Variants in CHRM3 observed in about 807,000 individuals in gnomAD.
CHRM3 encodes muscarinic acetylcholine receptor M3.
In CHRM3, 11 loss-of-function variants were observed where a neutral mutation model predicts 41.8. That is an observed-to-expected ratio of 0.26 (90% CI 0.17 to 0.44). The LOEUF (loss-of-function observed/expected upper bound fraction) is 0.44. Ranked by LOEUF, CHRM3 falls within the 20% of genes least tolerant of loss-of-function variation. The pLI is 1.00. For missense variants in CHRM3, 571 were observed against 745.4 expected, an observed-to-expected ratio of 0.77 and a Z score of 2.72; for synonymous variants, 297 against 301.4, an observed-to-expected ratio of 0.99 and a Z score of 0.15.
chr1:239,710,899 A>G (rs748647666), intron 5 of CHRM3, among the ~76,000 whole-genome samples: 2 of 151,700 alleles, frequency 1.3e-5, no homozygotes, highest in Non-Finnish European at 2.9e-5. Flanking sequence ...ACCTCCCACC[A>G]AGAAAGCCTG....
At chr1:239,558,328 G>A (rs922001603) in intron 3 of CHRM3, among the ~76,000 whole-genome samples, 1 of 151,994 alleles carries the variant, frequency 6.6e-6, no homozygotes, top group Non-Finnish European at 1.5e-5. Context: ...TAATGGGATT[G>A]CTTTTTGTAA....
At chr1:239,873,590 G>A (rs1015656113) in intron 6 of CHRM3, among the ~76,000 whole-genome samples, 6 of 151,922 alleles carry the variant, frequency 3.9e-5, no homozygotes, top group Non-Finnish European at 7.4e-5. Context: ...AGAACATGCA[G>A]TGTTTGGTTT....
At chr1:239,563,173 AT>A in intron 3 of CHRM3, among the ~76,000 whole-genome samples, 1 of 147,056 alleles carries the variant, frequency 6.8e-6, no homozygotes, top group South Asian at 2.2e-4. Context: ...TGTTTTCTTT[AT>A]TCTGAAGTTG....
rs1659925754 is a variant in CHRM3 at position 239,401,009 on chromosome 1, T to C, written c.-521+13782T>C. ...TTTATATAAAATGCGTGCATATCTTTCTCATCAGAAGCAGGAACCAGGCAA... is the reference window on the plus strand; with the variant it reads ...TTTATATAAAATGCGTGCATATCTTCCTCATCAGAAGCAGGAACCAGGCAA... On this transcript the variant is annotated intron_variant, in intron 1 of 6. Transcript: ENST00000676153. Among the ~76,000 whole-genome samples, 3 of 152,108 alleles carry C rather than the reference T, an allele frequency of 2.0e-5. No individual in the cohort carries two copies. The South Asian group carries it at 6.2e-4, about 32-fold the overall frequency.
intron 6 of CHRM3, 110 bp downstream of exon 6, chr1:239,827,488 A>G (rs915267198): frequency 1.3e-5 from 2 of 152,270 alleles, no homozygotes; most frequent in African/African-American, 2.4e-5. Context: ...CGTGACCTCA[A>G]TTAGGATATT....
rs1451501711 is a variant in CHRM3 at position 239,911,598 on chromosome 1, ATTTAACAGAACTT to A, written c.*2376_*2388del. ...ATTTGAGAAAAGGAGAAACCCTGAA[ATTTAACAGAACTT>A]TGAGAGTCACTTCCAATCTCCTTAA... is the stretch of plus-strand genomic sequence containing the variant. On this transcript the variant is annotated 3_prime_UTR_variant, in exon 7 of 7. Transcript: ENST00000676153. The A allele has an allele frequency of 6.0e-6, 1 of 166,980 alleles. No homozygotes were observed. Among genetic ancestry groups the A allele is most frequent in the Non-Finnish European group, 1.5e-5 (1 of 68,114 alleles). 10.3% of individuals were successfully genotyped at this position (166,980 alleles called of 1,614,324 possible). A position where few individuals can be genotyped will look rare whatever the true frequency, so the allele number is the denominator to read the frequency against.
At chr1:239,567,138 TTA>T in intron 3 of CHRM3, among the ~76,000 whole-genome samples, 1 of 152,272 alleles carries the variant, frequency 6.6e-6, no homozygotes, top group Admixed American at 6.5e-5. Flanking sequence ...AGAATTACTG[TTA>T]TGGGCTGTTT....
chr1:239,643,827 A>G (rs992460140), intron 4 of CHRM3, among the ~76,000 whole-genome samples: 3 of 152,172 alleles, frequency 2.0e-5, no homozygotes, highest in Non-Finnish European at 4.4e-5. Context: ...CCGGGACCTC[A>G]GGTGGAAATG....
intron 6 of CHRM3, among the ~76,000 whole-genome samples, chr1:239,854,854 A>C (rs1231928323): frequency 6.6e-6 from 1 of 152,162 alleles, no homozygotes; most frequent in African/African-American, 2.4e-5. Context: ...AATTCAAAAG[A>C]ATTCAGATAA....
chr1:239,643,291 T>A (rs1671398358), intron 4 of CHRM3, among the ~76,000 whole-genome samples: 1 of 152,212 alleles, frequency 6.6e-6, no homozygotes, highest in Non-Finnish European at 1.5e-5. Context: ...CACTGCTCTC[T>A]TCAAAGCTGT....
chr1:239,612,601 C>G (rs939077181), intron 3 of CHRM3, among the ~76,000 whole-genome samples: 1 of 152,170 alleles, frequency 6.6e-6, no homozygotes, highest in Admixed American at 6.5e-5. Flanking sequence ...TCAACTTGGA[C>G]AGGGTAGCAT....
intron 3 of CHRM3, chr1:239,546,499 C>A (rs1033214287): frequency 6.6e-6 from 1 of 152,126 alleles, no homozygotes; most frequent in Non-Finnish European, 1.5e-5. Context: ...ATAATTGTCT[C>A]TTCCAATTAA....
At chr1:239,890,868 A>G (rs561456687) in intron 6 of CHRM3, among the ~76,000 whole-genome samples, 5 of 152,342 alleles carry the variant, frequency 3.3e-5, no homozygotes, top group African/African-American at 1.2e-4. Flanking sequence ...TAGTAATTCT[A>G]TAAAGTGTTT....
At chr1:239,759,134 AT>A (rs1025635484) in intron 5 of CHRM3, among the ~76,000 whole-genome samples, 1 of 133,052 alleles carries the variant, frequency 7.5e-6, no homozygotes, top group African/African-American at 2.9e-5. Flanking sequence ...GAACTTGAGC[AT>A]TTTCCCCCCT....
At chr1:239,864,118 G>C (rs946740583) in intron 6 of CHRM3, among the ~76,000 whole-genome samples, 1 of 151,338 alleles carries the variant, frequency 6.6e-6, no homozygotes, top group African/African-American at 2.4e-5. Flanking sequence ...GATGGCACAT[G>C]CCTGTCATCC....
At chr1:239,699,519 G>A (rs148605850) in intron 5 of CHRM3, among the ~76,000 whole-genome samples, 89 of 152,236 alleles carry the variant, frequency 5.8e-4, no homozygotes, top group African/African-American at 2.0e-3. Flanking sequence ...CTAGCATCTT[G>A]ATCTTGGACT....
In CHRM3 at chr1:239,387,888, G is replaced by A. The variant is rs775808720; in HGVS notation, c.-521+661G>A. Among the ~76,000 whole-genome samples the A allele has an allele frequency of 6.6e-6, 1 of 152,168 alleles. No homozygotes were observed. Among genetic ancestry groups the A allele is most frequent in the Non-Finnish European group, 1.5e-5 (1 of 68,040 alleles). ...GGAGAGTCTGCACTCGCGAGGCAGC[G>A]GCCGCTGGACTGCACCGGTTCTCCT... On this transcript the variant is annotated intron_variant, in intron 1 of 6. Transcript: ENST00000676153. The surrounding 1 kb of genome is among the most constrained non-coding windows in gnomAD (Gnocchi z 5.1).
intron 6 of CHRM3, among the ~76,000 whole-genome samples, chr1:239,898,577 A>T (rs1679208949): frequency 6.6e-6 from 1 of 152,192 alleles, no homozygotes; most frequent in Non-Finnish European, 1.5e-5. Context: ...CCATATCATC[A>T]CTTAAAAAAA....
intron 1 of CHRM3, among the ~76,000 whole-genome samples, chr1:239,482,205 T>G (rs1164358951): frequency 6.6e-6 from 1 of 152,180 alleles, no homozygotes; most frequent in Non-Finnish European, 1.5e-5. Flanking sequence ...GACACCCACA[T>G]GCTTTTATGA....
Sources: gnomAD v4.1 joint callset for allele counts (sites outside exome capture counted in the v4.1 genomes callset) on GRCh38, gnomAD v4.1.1 for gene constraint, Gnocchi (gnomAD v3.1) non-coding constraint, MANE v1.5 for transcripts, NCBI Gene and HGNC (gene_info 2026-07-23, HGNC 2026-07-21) for gene names.